Variants in OR10A4 observed in about 807,000 individuals in gnomAD.
OR10A4 encodes the protein olfactory receptor 10A4.
Under a neutral mutation model 15.4 loss-of-function variants are expected in OR10A4, and 18 were observed. The observed-to-expected ratio is 1.17, with a 90% CI of 0.81 to 1.74. The LOEUF (loss-of-function observed/expected upper bound fraction) is 1.74, where lower values mean the gene tolerates loss of function less well. Ranked by LOEUF, OR10A4 falls within the 40% of genes most tolerant of loss-of-function variation. OR10A4 has a pLI of 0.00. For missense variants in OR10A4, 455 were observed against 372.3 expected (o/e 1.22, Z -1.83); for synonymous variants, 161 against 149.5 (o/e 1.08, Z -0.56).
In OR10A4 at chr11:6,877,269, A is replaced by T. The variant is rs1441603854; in HGVS notation, c.622A>T (p.Ile208Phe). ...LEALTATVLF[I>F]LFPFLLILGS... ...GGCTCTGACAGCCACTGTCCTATTC[A>T]TTCTCTTTCCTTTCTTGCTGATCCT... is the stretch of plus-strand genomic sequence containing the variant. Residue 208 changes from isoleucine to phenylalanine, a missense_variant, in exon 1 of 1, where the codon ATT becomes TTT. Physicochemically the swap from Ile to Phe is conservative, Grantham distance 21 (BLOSUM62 0). Coordinates refer to ENST00000379829, the MANE Select transcript of OR10A4 (RefSeq NM_207186.2). The T allele has an allele frequency of 6.2e-7, 1 of 1,614,018 alleles. No individual in the cohort carries two copies. Among genetic ancestry groups the T allele is most frequent in the Non-Finnish European group, 8.5e-7 (1 of 1,180,006 alleles).
Position 6,876,905 on chromosome 11 carries a change from G to A in OR10A4, c.258G>A (p.Leu86=). The change falls in exon 1 of 1, where the codon CTG becomes CTA. Residue 86 remains leucine, a synonymous_variant. Transcript: ENST00000379829. ...LVIVPKMLGT[L]IIQDTTISFL... is the part of the protein sequence containing the mutation. ...TTGTGCCCAAGATGCTGGGGACCCT[G>A]ATCATTCAAGACACAACCATCTCCT... The A allele has an allele frequency of 6.2e-7, 1 of 1,614,198 alleles. No homozygotes were observed. The highest frequency in any genetic ancestry group is 8.5e-7 in the Non-Finnish European group (1 of 1,180,032).
chr11:6,877,337 G>A lies in OR10A4; in HGVS notation c.690G>A (p.Pro230=), dbSNP rs377144083. ...VRILSTIFRM[P]SAEGKHQAFS... ...TCCTCTCCACTATCTTCAGGATGCC[G>A]TCAGCTGAGGGGAAACATCAGGCAT... is the stretch of plus-strand genomic sequence containing the variant. The change falls in exon 1 of 1, where the codon CCG becomes CCA. Residue 230 remains proline (P), a synonymous_variant. Transcript: ENST00000379829. 34 of 1,613,942 alleles carry A rather than the reference G, an allele frequency of 2.1e-5. No individual in the cohort carries two copies. The highest frequency in any genetic ancestry group is 5.3e-5 in the African/African-American group (4 of 74,874).
rs746645023 is a variant in OR10A4 at position 6,876,766 on chromosome 11, T to C, written c.119T>C (p.Leu40Ser). The C allele has an allele frequency of 1.2e-6, 2 of 1,613,936 alleles. No individual in the cohort carries two copies. ...LLFLTIYLVTLMGNVLIILVT... is the reference protein window; with the variant it reads ...LLFLTIYLVTSMGNVLIILVT... ...TTCTTGACCATTTACTTGGTTACTTTAATGGGCAATGTCCTCATCATCCTG... is the reference window on the plus strand; with the variant it reads ...TTCTTGACCATTTACTTGGTTACTTCAATGGGCAATGTCCTCATCATCCTG... The change falls in exon 1 of 1, where the codon TTA becomes TCA. Residue 40 changes from leucine to serine, a missense_variant. Leu to Ser is a moderately radical substitution (Grantham distance 145). Coordinates refer to ENST00000379829, the MANE Select transcript of OR10A4 (RefSeq NM_207186.2).
Position 6,876,729 on chromosome 11 carries a change from C to A in OR10A4, c.82C>A (p.Leu28Met), listed in dbSNP as rs147120075. ...SALSTELQAL[L>M]FLLFLTIYLV... ...CCTGTCCACTGAGCTTCAGGCTCTACTGTTTCTCCTTTTCTTGACCATTTA... is the reference window on the plus strand; with the variant it reads ...CCTGTCCACTGAGCTTCAGGCTCTAATGTTTCTCCTTTTCTTGACCATTTA... The change falls in exon 1 of 1, where the codon CTG becomes ATG. Residue 28 changes from leucine to methionine, a missense_variant. Physicochemically the swap from Leu to Met is conservative, Grantham distance 15. Transcript: ENST00000379829. 6.2e-7 allele frequency: 1 copy of A among 1,614,002 alleles called. No homozygotes were observed. Among genetic ancestry groups the A allele is most frequent in the Non-Finnish European group, 8.5e-7 (1 of 1,179,964 alleles).
At position 6,876,978 on chromosome 11, in the gene OR10A4, G is replaced by C; in HGVS notation, c.331G>C (p.Ala111Pro). Reference protein sequence around the residue: ...QMYFFFFFGAAECCLLATMAY... With the variant: ...QMYFFFFFGAPECCLLATMAY... The stretch of plus-strand genomic sequence containing the variant: ...GTATTTCTTCTTCTTTTTTGGGGCT[G>C]CTGAGTGCTGCCTCCTGGCCACCAT... Residue 111 changes from alanine (A) to proline (P), a missense_variant, in exon 1 of 1, where the codon GCT (alanine) becomes CCT (proline). Transcript: ENST00000379829. The C allele has an allele frequency of 2.5e-6, 4 of 1,614,160 alleles. No homozygotes were observed. The highest frequency in any genetic ancestry group is 2.5e-6 in the Non-Finnish European group (3 of 1,180,026).
In OR10A4 at chr11:6,876,836, C is replaced by T. The variant is rs146940238; in HGVS notation, c.189C>T (p.Phe63=). ...DSALQSPMYF[F]LRNLSFLEIG... ...CACTACAAAGTCCTATGTACTTCTT[C>T]CTCAGAAACTTGTCCTTCCTGGAGA... is the stretch of plus-strand genomic sequence containing the variant. Residue 63 remains phenylalanine (F), a synonymous_variant, in exon 1 of 1, where the codon TTC becomes TTT. Coordinates refer to ENST00000379829, the MANE Select transcript of OR10A4 (RefSeq NM_207186.2). 3.7e-6 allele frequency: 6 copies of T among 1,614,228 alleles called. No individual in the cohort carries two copies. In the East Asian group the frequency reaches 1.1e-4, roughly 30 times the overall value.
chr11:6,876,861 A>G lies in OR10A4; in HGVS notation c.214A>G (p.Ile72Val), dbSNP rs1288289147. The G allele has an allele frequency of 6.2e-7, 1 of 1,614,104 alleles. No individual in the cohort carries two copies. The change falls in exon 1 of 1, where the codon ATA becomes GTA. Residue 72 changes from isoleucine to valine, a missense_variant. Coordinates refer to ENST00000379829, the MANE Select transcript of OR10A4 (RefSeq NM_207186.2). ...FFLRNLSFLE[I>V]GFNLVIVPKM... ...CCTCAGAAACTTGTCCTTCCTGGAG[A>G]TAGGTTTCAACTTGGTCATTGTGCC... is the stretch of plus-strand genomic sequence containing the variant.
Position 6,876,968 on chromosome 11 carries a change from T to C in OR10A4, c.321T>C (p.Phe107=). The part of the protein sequence containing the change: ...GCATQMYFFF[F]FGAAECCLLA... ...CCACTCAGATGTATTTCTTCTTCTT[T>C]TTTGGGGCTGCTGAGTGCTGCCTCC... is the stretch of plus-strand genomic sequence containing the variant. The change falls in exon 1 of 1, where the codon TTT becomes TTC. Residue 107 remains phenylalanine (F), a synonymous_variant. Coordinates refer to ENST00000379829, the MANE Select transcript of OR10A4 (RefSeq NM_207186.2). The C allele has an allele frequency of 6.2e-7, 1 of 1,614,214 alleles. No individual in the cohort carries two copies. Among genetic ancestry groups the C allele is most frequent in the Non-Finnish European group, 8.5e-7 (1 of 1,180,036 alleles).
chr11:6,877,487 A>C lies in OR10A4; in HGVS notation c.840A>C (p.Thr280=). The change falls in exon 1 of 1, where the codon ACA becomes ACC. Residue 280 remains threonine (T), a synonymous_variant. Coordinates refer to ENST00000379829, the MANE Select transcript of OR10A4 (RefSeq NM_207186.2). ...AGAAGCTGCTGTCACTCTCTTCCACAGTGGTGACTCCCATGTTGAACCCCA... is the reference window on the plus strand; with the variant it reads ...AGAAGCTGCTGTCACTCTCTTCCACCGTGGTGACTCCCATGTTGAACCCCA... The part of the protein sequence containing the change: ...ESKKLLSLSS[T]VVTPMLNPII... 6.2e-7 allele frequency: 1 copy of C among 1,613,998 alleles called. No homozygotes were observed. The highest frequency in any genetic ancestry group is 1.3e-5 in the African/African-American group (1 of 75,008).
rs1444276208 is a variant in OR10A4 at position 6,877,068 on chromosome 11, TC to T, written c.423del (p.Cys142ValfsTer34). ...LHYPVIMGHI[S>X]CAQLAAASWF... Reference sequence around the variant, plus strand: ...CTACCCAGTCATCATGGGCCACATATCCTGTGCCCAGCTGGCAGCTGCCTCT... The same window carrying T: ...CTACCCAGTCATCATGGGCCACATATCTGTGCCCAGCTGGCAGCTGCCTCT... On this transcript the variant is annotated frameshift_variant, in exon 1 of 1. Coordinates refer to ENST00000379829, the MANE Select transcript of OR10A4 (RefSeq NM_207186.2). LOFTEE classifies it high-confidence loss of function. 6.2e-7 allele frequency: 1 copy of T among 1,614,096 alleles called. No individual in the cohort carries two copies. The highest frequency in any genetic ancestry group is 8.5e-7 in the Non-Finnish European group (1 of 1,180,038).
chr11:6,876,794 C>T lies in OR10A4; in HGVS notation c.147C>T (p.Val49=), dbSNP rs773127083. 1 of 1,614,082 alleles carries T rather than the reference C, an allele frequency of 6.2e-7. No individual in the cohort carries two copies. The highest frequency in any genetic ancestry group is 8.5e-7 in the Non-Finnish European group (1 of 1,179,942). Reference sequence around the variant, plus strand: ...TGGGCAATGTCCTCATCATCCTGGTCACTATAGCTGACTCTGCACTACAAA... The same window carrying T: ...TGGGCAATGTCCTCATCATCCTGGTTACTATAGCTGACTCTGCACTACAAA... ...TLMGNVLIIL[V]TIADSALQSP... The change falls in exon 1 of 1, where the codon GTC becomes GTT. Residue 49 remains valine, a synonymous_variant. Coordinates refer to ENST00000379829, the MANE Select transcript of OR10A4 (RefSeq NM_207186.2).
In OR10A4 at chr11:6,876,811, C is replaced by T. The variant is rs187051778; in HGVS notation, c.164C>T (p.Ala55Val). The T allele has an allele frequency of 5.8e-4, 931 of 1,614,138 alleles. 9 individuals carry two copies. In the South Asian group the frequency reaches 7.3e-3, roughly 13 times the overall value. ...LIILVTIADS[A>V]LQSPMYFFLR... ...ATCCTGGTCACTATAGCTGACTCTG[C>T]ACTACAAAGTCCTATGTACTTCTTC... Residue 55 changes from alanine (A) to valine (V), a missense_variant, in exon 1 of 1, where the codon GCA (alanine) becomes GTA (valine). Transcript: ENST00000379829.
In OR10A4 at chr11:6,877,527, A is replaced by G. The variant is rs7102808; in HGVS notation, c.880A>G (p.Arg294Gly). ...GTTGAACCCCATCATCTACAGCTCA[A>G]GGAATAAAGAAGTGAAGGCTGCACT... ...PMLNPIIYSS[R>G]NKEVKAALKR... The change falls in exon 1 of 1, where the codon AGG becomes GGG. Residue 294 changes from arginine (R) to glycine (G), a missense_variant. Coordinates refer to ENST00000379829, the MANE Select transcript of OR10A4 (RefSeq NM_207186.2). 6.2e-7 allele frequency: 1 copy of G among 1,614,038 alleles called. No homozygotes were observed. The highest frequency in any genetic ancestry group is 1.7e-5 in the Admixed American group (1 of 60,002).
In OR10A4 at chr11:6,876,969, T is replaced by G. The variant is rs1407891450; in HGVS notation, c.322T>G (p.Phe108Val). The change falls in exon 1 of 1, where the codon TTT becomes GTT. Residue 108 changes from phenylalanine (F) to valine (V), a missense_variant. Phe to Val is a conservative substitution (Grantham distance 50). Transcript: ENST00000379829. The part of the protein sequence containing the change: ...CATQMYFFFF[F>V]GAAECCLLAT... ...CACTCAGATGTATTTCTTCTTCTTT[T>G]TTGGGGCTGCTGAGTGCTGCCTCCT... is the stretch of plus-strand genomic sequence containing the variant. 1 of 1,614,108 alleles carries G rather than the reference T, an allele frequency of 6.2e-7. No individual in the cohort carries two copies. The highest frequency in any genetic ancestry group is 8.5e-7 in the Non-Finnish European group (1 of 1,180,046).
In OR10A4 at chr11:6,877,337, G is replaced by T. The variant is rs377144083; in HGVS notation, c.690G>T (p.Pro230=). The change falls in exon 1 of 1, where the codon CCG becomes CCT. Residue 230 remains proline (P), a synonymous_variant. Coordinates refer to ENST00000379829, the MANE Select transcript of OR10A4 (RefSeq NM_207186.2). ...VRILSTIFRM[P]SAEGKHQAFS... ...TCCTCTCCACTATCTTCAGGATGCC[G>T]TCAGCTGAGGGGAAACATCAGGCAT... 1.9e-6 allele frequency: 3 copies of T among 1,613,944 alleles called. No homozygotes were observed. The highest frequency in any genetic ancestry group is 2.5e-6 in the Non-Finnish European group (3 of 1,180,010).
In OR10A4 at chr11:6,877,372, G is replaced by C. The variant is rs1051983449; in HGVS notation, c.725G>C (p.Cys242Ser). ...GGGAAACATCAGGCATTCTCCACCT[G>C]TTCCGCCCACCTCTTGGTTGTCTCT... ...AEGKHQAFST[C>S]SAHLLVVSLF... Residue 242 changes from cysteine to serine, a missense_variant, in exon 1 of 1, where the codon TGT becomes TCT. By Grantham distance (112) the Cys-to-Ser change is moderately radical (BLOSUM62 -1). Coordinates refer to ENST00000379829, the MANE Select transcript of OR10A4 (RefSeq NM_207186.2). The C allele has an allele frequency of 6.2e-7, 1 of 1,614,116 alleles. No individual in the cohort carries two copies. The highest frequency in any genetic ancestry group is 8.5e-7 in the Non-Finnish European group (1 of 1,180,018).
rs1267819081 is a variant in OR10A4, at chr11:6,877,159, G to A, written c.512G>A (p.Gly171Asp). Residue 171 changes from glycine (G) to aspartate (D), a missense_variant, in exon 1 of 1, where the codon GGC (glycine) becomes GAC (aspartate). Transcript: ENST00000379829. Reference sequence around the variant, plus strand: ...TGGATTTTCAGTTTCCCTTTTTGTGGCCCCAACAGGGTGAACCACTTCTTC... The same window carrying A: ...TGGATTTTCAGTTTCCCTTTTTGTGACCCCAACAGGGTGAACCACTTCTTC... ...TTWIFSFPFCGPNRVNHFFCD... is the reference protein window; with the variant it reads ...TTWIFSFPFCDPNRVNHFFCD... 6.2e-7 allele frequency: 1 copy of A among 1,614,168 alleles called. No individual in the cohort carries two copies. Among genetic ancestry groups the A allele is most frequent in the African/African-American group, 1.3e-5 (1 of 75,028 alleles).
chr11:6,877,274 C>A lies in OR10A4; in HGVS notation c.627C>A (p.Leu209=). 1 of 1,614,202 alleles carries A rather than the reference C, an allele frequency of 6.2e-7. No homozygotes were observed. The highest frequency in any genetic ancestry group is 8.5e-7 in the Non-Finnish European group (1 of 1,180,038). ...TGACAGCCACTGTCCTATTCATTCT[C>A]TTTCCTTTCTTGCTGATCCTGGGAT... ...EALTATVLFI[L]FPFLLILGSY... The change falls in exon 1 of 1, where the codon CTC becomes CTA. Residue 209 remains leucine, a synonymous_variant. Coordinates refer to ENST00000379829, the MANE Select transcript of OR10A4 (RefSeq NM_207186.2).
In OR10A4 at chr11:6,877,212, G is replaced by A. The variant is rs1387683588; in HGVS notation, c.565G>A (p.Val189Ile). 5 of 1,614,152 alleles carry A rather than the reference G, an allele frequency of 3.1e-6. No individual in the cohort carries two copies. The South Asian group carries it at 3.3e-5, about 11-fold the overall frequency. ...TGACAGCCCTCCTGTTATTGCACTG[G>A]TCTGTGCTGACACCTCTGTGTTTGA... ...FCDSPPVIALVCADTSVFELE... is the reference protein window; with the variant it reads ...FCDSPPVIALICADTSVFELE... The change falls in exon 1 of 1, where the codon GTC becomes ATC. Residue 189 changes from valine to isoleucine, a missense_variant. Coordinates refer to ENST00000379829, the MANE Select transcript of OR10A4 (RefSeq NM_207186.2).
Sources: gnomAD v4.1 joint callset for allele counts on GRCh38, gnomAD v4.1.1 for gene constraint, MANE v1.5 for transcripts, NCBI Gene and HGNC (gene_info 2026-07-23, HGNC 2026-07-21) for gene names.